Variants in ITPKB observed in about 807,000 individuals in gnomAD.
The protein encoded by ITPKB is IP3 3-kinase B.
Under a neutral mutation model 69.4 loss-of-function variants are expected in ITPKB, and 13 were observed. That is an observed-to-expected ratio of 0.19 (90% CI 0.12 to 0.30). The LOEUF (loss-of-function observed/expected upper bound fraction) is 0.30, where lower values mean the gene tolerates loss of function less well. ITPKB is among the 10% of genes least tolerant of loss of function. ITPKB has a pLI of 1.00. For synonymous variants in ITPKB, 584 were observed against 513.7 expected, an observed-to-expected ratio of 1.14 and a Z score of -1.85; for missense variants, 1,240 against 1,250.5, an observed-to-expected ratio of 0.99 and a Z score of 0.13.
intron 2 of ITPKB, among the ~76,000 whole-genome samples, chr1:226,689,572 TG>T (rs1656298568): frequency 2.3e-3 from 84 of 36,576 alleles, no homozygotes; most frequent in South Asian, 0.017. Flanking sequence ...GTTTTATTTG[TG>T]TGTGTGTGTG....
chr1:226,700,182 T>C (rs1010729220), intron 2 of ITPKB, among the ~76,000 whole-genome samples: 1 of 152,106 alleles, frequency 6.6e-6, no homozygotes, highest in Non-Finnish European at 1.5e-5. Flanking sequence ...ATCAATACTT[T>C]GCAACTGGCC....
Position 226,639,661 on chromosome 1 carries a change from G to C in ITPKB, c.2452-3C>G. 1.9e-6 allele frequency: 3 copies of C among 1,604,210 alleles called. No homozygotes were observed. Among genetic ancestry groups the C allele is most frequent in the Non-Finnish European group, 2.6e-6 (3 of 1,170,974 alleles). The stretch of plus-strand genomic sequence containing the variant: ...CGGTTCACGGTGCCGTCTTCTTTCT[G>C]AGAAAGAGAACACCCCACCCAGGAG... On this transcript the variant is annotated splice_region_variant and splice_polypyrimidine_tract_variant and intron_variant, in intron 5 of 7. Transcript: ENST00000429204.
At chr1:226,664,870 G>A (rs1038690702) in intron 2 of ITPKB, among the ~76,000 whole-genome samples, 6 of 152,330 alleles carry the variant, frequency 3.9e-5, no homozygotes, top group Middle Eastern at 3.4e-3. Flanking sequence ...TGGCCAGCAC[G>A]ACGCAAATGG....
chr1:226,710,617 A>T (rs1656923909), intron 2 of ITPKB, among the ~76,000 whole-genome samples: 1 of 152,130 alleles, frequency 6.6e-6, no homozygotes, highest in African/African-American at 2.4e-5. Context: ...CTCTTCCCAC[A>T]CACCTGCCTG....
chr1:226,732,098 A>G (rs1213222050), intron 2 of ITPKB, among the ~76,000 whole-genome samples: 1 of 143,560 alleles, frequency 7.0e-6, no homozygotes. Context: ...AAACTAGTCA[A>G]CATCAAAAAA....
chr1:226,681,710 T>C lies in ITPKB; in HGVS notation c.1933-32939A>G, dbSNP rs1401083016. Among the ~76,000 whole-genome samples, 4 of 152,232 alleles carry C rather than the reference T, an allele frequency of 2.6e-5. 1 individual carries two copies. Among genetic ancestry groups the C allele is most frequent in the Non-Finnish European group, 4.4e-5 (3 of 68,034 alleles). The stretch of plus-strand genomic sequence containing the variant: ...TCATCCTCTCCCACCTGCAACAACA[T>C]TTAAATGCCTCAGCCTGGGCACTAA... On this transcript the variant is annotated intron_variant, in intron 2 of 7. Transcript: ENST00000429204.
chr1:226,635,579 G>A (rs946553810), intron 7 of ITPKB, among the ~76,000 whole-genome samples: 1 of 152,054 alleles, frequency 6.6e-6, no homozygotes, highest in African/African-American at 2.4e-5. Flanking sequence ...TCGCCCTTCC[G>A]CCTCCTAGAA....
At chr1:226,644,855 C>T (rs567542424) in intron 4 of ITPKB, among the ~76,000 whole-genome samples, 1 of 152,308 alleles carries the variant, frequency 6.6e-6, no homozygotes, top group Admixed American at 6.5e-5. Flanking sequence ...GGGAGAGGCC[C>T]TGCAGCCAAG....
Position 226,634,979 on chromosome 1 carries a change from C to A in ITPKB, c.2626-93G>T. ...GCCTGGGTGACCAGGTGGGGAGGCT[C>A]GCTCAGGCCGGACAGTTGGGTGCCT... On this transcript the variant is annotated intron_variant, in intron 7 of 7. Transcript: ENST00000429204. The surrounding 1 kb of genome is among the most constrained non-coding windows in gnomAD (Gnocchi z 6.3). 3.2e-6 allele frequency: 3 copies of A among 929,934 alleles called. No individual in the cohort carries two copies. The South Asian group carries it at 4.9e-5, about 15-fold the overall frequency. 57.6% of individuals were successfully genotyped at this position (929,934 alleles called of 1,614,324 possible). A position where few individuals can be genotyped will look rare whatever the true frequency, so the allele number is the denominator to read the frequency against.
In ITPKB at chr1:226,632,712, C is replaced by G. The variant is rs766794480; in HGVS notation, c.*1959G>C. On this transcript the variant is annotated 3_prime_UTR_variant, in exon 8 of 8. Transcript: ENST00000429204. ...AAACAGCTGGTGTCTGCCTAAAGTGCTTGGAACATTTTGTTCTCTTAAACA... is the reference window on the plus strand; with the variant it reads ...AAACAGCTGGTGTCTGCCTAAAGTGGTTGGAACATTTTGTTCTCTTAAACA... 6.6e-6 allele frequency: 1 copy of G among 152,552 alleles called. No homozygotes were observed. Among genetic ancestry groups the G allele is most frequent in the Non-Finnish European group, 1.5e-5 (1 of 68,028 alleles). 9.4% of individuals were successfully genotyped at this position (152,552 alleles called of 1,614,324 possible).
intron 2 of ITPKB, among the ~76,000 whole-genome samples, chr1:226,670,175 CAAAAAAAAA>C (rs35767912): frequency 1.9e-4 from 6 of 32,002 alleles, no homozygotes; most frequent in South Asian, 1.4e-3. Context: ...AGCTCCGCCG[CAAAAAAAAA>C]AAAAAAAAAA....
At chr1:226,735,424 G>C in intron 2 of ITPKB, 103 bp downstream of exon 2, 1 of 1,309,324 alleles carries the variant, frequency 7.6e-7, no homozygotes, top group Non-Finnish European at 1.0e-6. Flanking sequence ...CCTGGTCTGA[G>C]TTTTCATGAC....
Position 226,634,334 on chromosome 1 carries a change from C to T in ITPKB, c.*337G>A. 2 of 284,332 alleles carry T rather than the reference C, an allele frequency of 7.0e-6. No homozygotes were observed. The highest frequency in any genetic ancestry group is 9.5e-5 in the South Asian group (2 of 21,112). The allele number at this position is 284,332 out of a possible 1,614,324, so 17.6% of individuals were successfully genotyped here. On this transcript the variant is annotated 3_prime_UTR_variant, in exon 8 of 8. Transcript: ENST00000429204. The surrounding 1 kb of genome is among the most constrained non-coding windows in gnomAD (Gnocchi z 6.3). The stretch of plus-strand genomic sequence containing the variant: ...GGCCTCCGCAGGTGGTAGGTCCAGG[C>T]TGGTGCTTCCTAGGGGGCTCCCAGA...
chr1:226,731,634 C>G (rs1188666018), intron 2 of ITPKB, among the ~76,000 whole-genome samples: 3 of 152,126 alleles, frequency 2.0e-5, no homozygotes, highest in African/African-American at 7.2e-5. Context: ...GCTAGAGAAG[C>G]AGAGCCCATG....
At chr1:226,657,805 A>G (rs12077348) in intron 2 of ITPKB, among the ~76,000 whole-genome samples, 29,239 of 152,220 alleles carry the variant, frequency 0.19, 3,219 homozygotes, top group African/African-American at 0.31. Flanking sequence ...CTCAGCCAAC[A>G]GGATTACTGG....
intron 2 of ITPKB, among the ~76,000 whole-genome samples, chr1:226,713,163 G>T (rs1657014057): frequency 6.6e-6 from 1 of 152,094 alleles, no homozygotes; most frequent in South Asian, 2.1e-4. Context: ...GAGGTGAGGA[G>T]ACTCCGGACC....
intron 2 of ITPKB, among the ~76,000 whole-genome samples, chr1:226,664,849 TAC>T (rs1246097886): frequency 8.5e-5 from 13 of 152,230 alleles, no homozygotes; most frequent in Admixed American, 2.0e-4. Context: ...CTGAGCTATT[TAC>T]ACAGTGTGTG....
Position 226,634,601 on chromosome 1 carries a change from T to C in ITPKB, c.*70A>G. The C allele has an allele frequency of 1.4e-6, 1 of 705,368 alleles. No individual in the cohort carries two copies. The highest frequency in any genetic ancestry group is 2.7e-6 in the Non-Finnish European group (1 of 376,814). The allele number at this position is 705,368 out of a possible 1,614,324, so 43.7% of individuals were successfully genotyped here. A position where few individuals can be genotyped will look rare whatever the true frequency, so the allele number is the denominator to read the frequency against. On this transcript the variant is annotated 3_prime_UTR_variant, in exon 8 of 8. Coordinates refer to ENST00000429204, the MANE Select transcript of ITPKB (RefSeq NM_002221.4). This position sits in a 1 kb window ranked among gnomAD's most constrained non-coding sequence, Gnocchi z 6.3. Reference sequence around the variant, plus strand: ...AGTCAGGTGTAAGTGAAGGAAAAGTTAGGAACGAGAAAGGAAGCACAGGAG... The same window carrying C: ...AGTCAGGTGTAAGTGAAGGAAAAGTCAGGAACGAGAAAGGAAGCACAGGAG...
At chr1:226,724,846 T>C (rs1657359827) in intron 2 of ITPKB, among the ~76,000 whole-genome samples, 1 of 152,248 alleles carries the variant, frequency 6.6e-6, no homozygotes, top group Admixed American at 6.5e-5. Context: ...GTGCAACTGC[T>C]GAGCATCAAT....
Sources: gnomAD v4.1 joint callset for allele counts (sites outside exome capture counted in the v4.1 genomes callset) on GRCh38, gnomAD v4.1.1 for gene constraint, Gnocchi (gnomAD v3.1) non-coding constraint, MANE v1.5 for transcripts, NCBI Gene and HGNC (gene_info 2026-07-23, HGNC 2026-07-21) for gene names.